Variants in HBD observed in about 807,000 individuals in gnomAD.
The protein encoded by HBD is delta globin.
Under a neutral mutation model 9.2 loss-of-function variants are expected in HBD, and 11 were observed. The observed-to-expected ratio is 1.20, with a 90% CI of 0.76 to 1.99. The LOEUF is 1.99. Among genes scored for constraint, HBD ranks in the 30% most tolerant of loss-of-function variants. The probability of loss-of-function intolerance (pLI) is 0.00; values close to 1 mark genes in which losing one functional copy is unlikely to be tolerated. For missense variants in HBD, 189 were observed against 174.3 expected (o/e 1.08, Z -0.47); for synonymous variants, 83 against 69.4 (o/e 1.20, Z -0.98).
chr11:5,232,887 A>G lies in HBD; in HGVS notation c.*77T>C. The G allele has an allele frequency of 6.2e-7, 1 of 1,612,228 alleles. No homozygotes were observed. The highest frequency in any genetic ancestry group is 8.5e-7 in the Non-Finnish European group (1 of 1,178,278). ...CAGAAGCCATACCCTTGAAGTAGGC[A>G]TTGTGTTCCCAAGTTCAGAAAATAG... On this transcript the variant is annotated 3_prime_UTR_variant, in exon 3 of 3. Transcript: ENST00000650601.
At chr11:5,233,170 C>A in intron 2 of HBD, 78 bp from the exon 3 acceptor site, 7 of 1,527,962 alleles carry the variant, frequency 4.6e-6, no homozygotes, top group Non-Finnish European at 6.3e-6. Context: ...ACTGAGCCAA[C>A]ACCCATTTTT....
chr11:5,233,167 C>G, intron 2 of HBD, 75 bp from the exon 3 acceptor site: 1 of 1,539,802 alleles, frequency 6.5e-7, no homozygotes, highest in Non-Finnish European at 8.9e-7. Flanking sequence ...GAAACTGAGC[C>G]AACACCCATT....
rs1427454270 is a variant in HBD at position 5,233,432 on chromosome 11, T to C, written c.316-340A>G. On this transcript the variant is annotated intron_variant, in intron 2 of 2. Transcript: ENST00000650601. Reference sequence around the variant, plus strand: ...AAATTAATTACTATAAACAGATTAATAGATACAAATTAATTGATTAATCAG... The same window carrying C: ...AAATTAATTACTATAAACAGATTAACAGATACAAATTAATTGATTAATCAG... Among the ~76,000 whole-genome samples the C allele has an allele frequency of 3.7e-4, 57 of 152,190 alleles. 1 individual carries two copies. The highest frequency in any genetic ancestry group is 3.7e-3 in the Admixed American group (57 of 15,268).
intron 1 of HBD, 63 bp from the exon 2 acceptor site, chr11:5,234,276 T>G (rs1283374749): frequency 6.3e-7 from 1 of 1,598,608 alleles, no homozygotes; most frequent in African/African-American, 1.3e-5. Flanking sequence ...CCAAGAGTCT[T>G]CTCTGTCTAC....
chr11:5,234,445 G>A lies in HBD; in HGVS notation c.-12C>T. ...GTCAGATGCACCATGGTGTCTGTTTGAGGTTGCTAGTGAACACTGTTATGT... is the reference window on the plus strand; with the variant it reads ...GTCAGATGCACCATGGTGTCTGTTTAAGGTTGCTAGTGAACACTGTTATGT... On this transcript the variant is annotated 5_prime_UTR_variant, in exon 1 of 3. Coordinates refer to ENST00000650601, the MANE Select transcript of HBD (RefSeq NM_000519.4). 1 of 1,591,940 alleles carries A rather than the reference G, an allele frequency of 6.3e-7. No individual in the cohort carries two copies. The highest frequency in any genetic ancestry group is 8.6e-7 in the Non-Finnish European group (1 of 1,159,800).
chr11:5,233,345 T>C (rs1196001257), intron 2 of HBD, among the ~76,000 whole-genome samples: 1 of 152,228 alleles, frequency 6.6e-6, no homozygotes, highest in African/African-American at 2.4e-5. Flanking sequence ...ATATGCTGTA[T>C]AATACTATAT....
Position 5,233,040 on chromosome 11 carries a change from A to G in HBD, c.368T>C (p.Phe123Ser). 6.2e-7 allele frequency: 1 copy of G among 1,614,074 alleles called. No individual in the cohort carries two copies. Among genetic ancestry groups the G allele is most frequent in the Non-Finnish European group, 8.5e-7 (1 of 1,179,948 alleles). The change falls in exon 3 of 3, where the codon TTC becomes TCC. Residue 123 changes from phenylalanine (F) to serine (S), a missense_variant. Phe to Ser is a radical substitution (Grantham distance 155). Transcript: ENST00000650601. ...CVLARNFGKE[F>S]TPQMQAAYQK... ...ATAGGCAGCCTGCATTTGTGGGGTG[A>G]ATTCCTTGCCAAAGTTGCGGGCCAG...
Position 5,234,375 on chromosome 11 carries a change from T to C in HBD, c.59A>G (p.Asn20Ser). Residue 20 changes from asparagine (N) to serine (S), a missense_variant, in exon 1 of 3, where the codon AAC becomes AGC. By Grantham distance (46) the Asn-to-Ser change is conservative (BLOSUM62 1). Transcript: ENST00000650601. ...TAVNALWGKVNVDAVGGEALG... is the reference protein window; with the variant it reads ...TAVNALWGKVSVDAVGGEALG... ...GGCCTCACCACCAACTGCATCCACG[T>C]TCACTTTGCCCCACAGGGCATTGAC... 6.2e-7 allele frequency: 1 copy of C among 1,614,070 alleles called. No homozygotes were observed. The highest frequency in any genetic ancestry group is 8.5e-7 in the Non-Finnish European group (1 of 1,179,930).
In HBD at chr11:5,233,089, A is replaced by G. The variant is rs1847691180; in HGVS notation, c.319T>C (p.Leu107=). 3 of 1,613,986 alleles carry G rather than the reference A, an allele frequency of 1.9e-6. No individual in the cohort carries two copies. Among genetic ancestry groups the G allele is most frequent in the African/African-American group, 1.3e-5 (1 of 75,026 alleles). Residue 107 remains leucine (L), a synonymous_variant, in exon 3 of 3, where the codon TTG becomes CTG. Coordinates refer to ENST00000650601, the MANE Select transcript of HBD (RefSeq NM_000519.4). ...AGCACACACACCAGCACATTGCCCAAGAGCTGCGGAGAAGAGGTAGGCAGA... is the reference window on the plus strand; with the variant it reads ...AGCACACACACCAGCACATTGCCCAGGAGCTGCGGAGAAGAGGTAGGCAGA... The part of the protein sequence containing the change: ...LHVDPENFRL[L]GNVLVCVLAR...
Position 5,234,462 on chromosome 11 carries a change from C to A in HBD, c.-29G>T, listed in dbSNP as rs1214087114. The A allele has an allele frequency of 1.3e-6, 2 of 1,510,414 alleles. No individual in the cohort carries two copies. Among genetic ancestry groups the A allele is most frequent in the Non-Finnish European group, 1.8e-6 (2 of 1,085,340 alleles). The allele number at this position is 1,510,414 out of a possible 1,614,324, so 93.6% of individuals were successfully genotyped here. On this transcript the variant is annotated 5_prime_UTR_variant, in exon 1 of 3. Coordinates refer to ENST00000650601, the MANE Select transcript of HBD (RefSeq NM_000519.4). ...GTCTGTTTGAGGTTGCTAGTGAACA[C>A]TGTTATGTCAGAAGAAAGTGTAAGC...
chr11:5,233,693 A>C (rs922821451), intron 2 of HBD, among the ~76,000 whole-genome samples: 1 of 152,150 alleles, frequency 6.6e-6, no homozygotes, highest in African/African-American at 2.4e-5. Context: ...GGATTATTCT[A>C]AGTGCAGAAT....
At position 5,233,073 on chromosome 11, in the gene HBD, A is replaced by G; in HGVS notation, c.335T>C (p.Val112Ala). Residue 112 changes from valine (V) to alanine (A), a missense_variant, in exon 3 of 3, where the codon GTG (valine) becomes GCG (alanine). Val to Ala is a moderately conservative substitution (Grantham distance 64). Transcript: ENST00000650601. Reference sequence around the variant, plus strand: ...GCCAAAGTTGCGGGCCAGCACACACACCAGCACATTGCCCAAGAGCTGCGG... The same window carrying G: ...GCCAAAGTTGCGGGCCAGCACACACGCCAGCACATTGCCCAAGAGCTGCGG... ...ENFRLLGNVL[V>A]CVLARNFGKE... 6.2e-7 allele frequency: 1 copy of G among 1,614,036 alleles called. No individual in the cohort carries two copies. The highest frequency in any genetic ancestry group is 8.5e-7 in the Non-Finnish European group (1 of 1,179,950).
chr11:5,233,282 C>T (rs1847693954), intron 2 of HBD, among the ~76,000 whole-genome samples, 190 bp from the exon 3 acceptor site: 1 of 152,098 alleles, frequency 6.6e-6, no homozygotes, highest in Non-Finnish European at 1.5e-5. Flanking sequence ...TATACACACA[C>T]ATCCTCTATG....
chr11:5,234,254 C>T (rs936037347), intron 1 of HBD, 41 bp from the exon 2 acceptor site: 1 of 1,599,254 alleles, frequency 6.3e-7, no homozygotes, highest in East Asian at 2.2e-5. Flanking sequence ...AGAGTCAGTG[C>T]CTATCAGAAA....
At position 5,232,921 on chromosome 11, in the gene HBD, G is replaced by GA. The variant is rs1564878510; in HGVS notation, c.*42dup. 1 of 1,613,660 alleles carries GA rather than the reference G, an allele frequency of 6.2e-7. No homozygotes were observed. The stretch of plus-strand genomic sequence containing the variant: ...CCAAGTTCAGAAAATAGAATCTAGG[G>GA]AAATAGGGTCTTCTTATGGTTATCA... On this transcript the variant is annotated 3_prime_UTR_variant, in exon 3 of 3. Transcript: ENST00000650601.
Position 5,232,844 on chromosome 11 carries a change from T to G in HBD, c.*120A>C. 6.2e-7 allele frequency: 1 copy of G among 1,613,572 alleles called. No homozygotes were observed. The highest frequency in any genetic ancestry group is 8.5e-7 in the Non-Finnish European group (1 of 1,179,744). On this transcript the variant is annotated 3_prime_UTR_variant, in exon 3 of 3. Transcript: ENST00000650601. ...AGTGAAATTAATCAGGAAGTTGAGC[T>G]GAACATTCTTTATTAGGCAGAAGCC...
At chr11:5,233,426 GA>G (rs1847695566) in intron 2 of HBD, among the ~76,000 whole-genome samples, 4 of 152,168 alleles carry the variant, frequency 2.6e-5, no homozygotes, top group Admixed American at 6.5e-5. Context: ...ACTATAAACA[GA>G]TTAATAGATA....
At chr11:5,233,154 T>C in intron 2 of HBD, 62 bp from the exon 3 acceptor site, 1 of 1,585,286 alleles carries the variant, frequency 6.3e-7, no homozygotes, top group Non-Finnish European at 8.6e-7. Flanking sequence ...GACTGGCTTC[T>C]GAGAAACTGA....
rs1483259543 is a variant in HBD, at chr11:5,233,997, G to A, written c.309C>T (p.Asn103=). 1.2e-6 allele frequency: 2 copies of A among 1,613,832 alleles called. No individual in the cohort carries two copies. The highest frequency in any genetic ancestry group is 1.3e-5 in the African/African-American group (1 of 75,000). The change falls in exon 2 of 3, where the codon AAC becomes AAT. Residue 103 remains asparagine (N), a synonymous_variant. Coordinates refer to ENST00000650601, the MANE Select transcript of HBD (RefSeq NM_000519.4). ...AAGCATCTCCTGGACTCACCCTGAA[G>A]TTCTCAGGATCCACGTGCAGCTTGT... ...HCDKLHVDPE[N]FRLLGNVLVC...
Sources: allele counts gnomAD v4.1 joint callset (sites outside exome capture counted in the v4.1 genomes callset), GRCh38; gene constraint gnomAD v4.1.1; transcripts MANE v1.5; gene names NCBI Gene and HGNC (gene_info 2026-07-23, HGNC 2026-07-21).